ROBO2: variants seen among roughly 807,000 people sequenced by gnomAD.
ROBO2 encodes the protein roundabout homolog 2.
ROBO2 carries 53 observed loss-of-function variants against 160.8 expected under a neutral mutation model. That is an observed-to-expected ratio of 0.33 (90% CI 0.26 to 0.41). The LOEUF (loss-of-function observed/expected upper bound fraction) is 0.41, where lower values mean the gene tolerates loss of function less well. Among genes scored for constraint, ROBO2 ranks in the 10% least tolerant of loss-of-function variants. The pLI is 1.00. For missense variants in ROBO2, 1,577 were observed against 1,722.4 expected, an observed-to-expected ratio of 0.92 and a Z score of 1.49; for synonymous variants, 664 against 611.7, an observed-to-expected ratio of 1.09 and a Z score of -1.26.
intron 2 of ROBO2, among the ~76,000 whole-genome samples, chr3:76,510,236 A>G (rs3913572): frequency 0.64 from 97,290 of 152,014 alleles, 31,384 homozygotes; most frequent in African/African-American, 0.71. Flanking sequence ...TATGACTGAC[A>G]GTGATAAGAA....
chr3:77,271,873 C>G (rs1335623461), intron 2 of ROBO2, among the ~76,000 whole-genome samples: 3 of 152,144 alleles, frequency 2.0e-5, no homozygotes, highest in African/African-American at 7.2e-5. Flanking sequence ...TGAACAGGTT[C>G]TTACAGCCAG....
At chr3:76,062,072 A>G (rs56386344) in intron 2 of ROBO2, among the ~76,000 whole-genome samples, 3,127 of 152,240 alleles carry the variant, frequency 0.021, 44 homozygotes, top group East Asian at 0.081. Context: ...TTTGAGGCCA[A>G]CTGGCTAGCA....
intron 2 of ROBO2, among the ~76,000 whole-genome samples, chr3:77,141,662 C>T (rs1341209054): frequency 6.6e-6 from 1 of 152,140 alleles, no homozygotes; most frequent in Non-Finnish European, 1.5e-5. Context: ...AGTTGGATAG[C>T]AGTGACCTTT....
chr3:77,343,966 A>G (rs1207415392), intron 2 of ROBO2, among the ~76,000 whole-genome samples: 1 of 152,198 alleles, frequency 6.6e-6, no homozygotes, highest in Non-Finnish European at 1.5e-5. Flanking sequence ...TATATGAGTC[A>G]GCATAGAATG....
intron 2 of ROBO2, among the ~76,000 whole-genome samples, chr3:76,818,982 C>A (rs2065904691): frequency 6.6e-6 from 1 of 151,968 alleles, no homozygotes; most frequent in South Asian, 2.1e-4. Flanking sequence ...CATCCTCAAA[C>A]TGTCTATCTT....
At chr3:76,298,495 C>G (rs182756199) in intron 2 of ROBO2, among the ~76,000 whole-genome samples, 1 of 152,294 alleles carries the variant, frequency 6.6e-6, no homozygotes, top group African/African-American at 2.4e-5. Context: ...ATATGACAGA[C>G]ATGCCCTACA....
At chr3:76,098,461 G>T (rs2069544205) in intron 2 of ROBO2, among the ~76,000 whole-genome samples, 1 of 151,976 alleles carries the variant, frequency 6.6e-6, no homozygotes, top group Non-Finnish European at 1.5e-5. Context: ...GTGTATTATA[G>T]TAACTACTGA....
intron 2 of ROBO2, among the ~76,000 whole-genome samples, chr3:76,319,120 A>G (rs1443039859): frequency 1.3e-5 from 2 of 152,272 alleles, no homozygotes; most frequent in East Asian, 3.9e-4. Context: ...TGGCCCCATG[A>G]AAAGTTATCT....
chr3:77,147,694 A>T (rs1363825521), intron 2 of ROBO2, among the ~76,000 whole-genome samples: 1 of 152,188 alleles, frequency 6.6e-6, no homozygotes, highest in Non-Finnish European at 1.5e-5. Context: ...ATTTTATTAT[A>T]ATATTACTGC....
intron 2 of ROBO2, among the ~76,000 whole-genome samples, chr3:76,554,416 A>T (rs1323152224): frequency 1.3e-5 from 2 of 152,158 alleles, no homozygotes; most frequent in African/African-American, 2.4e-5. Flanking sequence ...TTTAACATGA[A>T]TGTATGTTAT....
chr3:77,601,757 G>A (rs1344128299), intron 19 of ROBO2, among the ~76,000 whole-genome samples: 1 of 152,222 alleles, frequency 6.6e-6, no homozygotes, highest in Non-Finnish European at 1.5e-5. Flanking sequence ...AGTCGGTATA[G>A]TATAATTTTT....
intron 2 of ROBO2, among the ~76,000 whole-genome samples, chr3:76,510,066 G>T (rs1429331600): frequency 1.3e-5 from 2 of 152,076 alleles, no homozygotes; most frequent in African/African-American, 4.8e-5. Flanking sequence ...GTAATAAAAT[G>T]GCACATGTGC....
intron 2 of ROBO2, among the ~76,000 whole-genome samples, chr3:76,033,551 A>C (rs1177779119): frequency 6.6e-6 from 1 of 152,214 alleles, no homozygotes; most frequent in Non-Finnish European, 1.5e-5. Context: ...TTTTACACTG[A>C]AAAGTTAGCA....
intron 2 of ROBO2, among the ~76,000 whole-genome samples, chr3:76,956,887 C>T (rs2079310323): frequency 6.6e-6 from 1 of 152,038 alleles, no homozygotes; most frequent in Non-Finnish European, 1.5e-5. Context: ...GTTTGGGGGA[C>T]TGAGGAAGGT....
intron 2 of ROBO2, among the ~76,000 whole-genome samples, chr3:76,427,455 A>G (rs571182596): frequency 3.3e-5 from 5 of 152,270 alleles, no homozygotes; most frequent in African/African-American, 1.2e-4. Context: ...GAAGACTACT[A>G]CAAATGTAAG....
intron 2 of ROBO2, among the ~76,000 whole-genome samples, chr3:76,415,982 A>C (rs1264470505): frequency 6.6e-6 from 1 of 152,140 alleles, no homozygotes; most frequent in Non-Finnish European, 1.5e-5. Flanking sequence ...TTATTTAGCA[A>C]TGCAAAGTGT....
At chr3:76,153,099 GTGGATTTCAGTCCCA>G (rs1379281691) in intron 2 of ROBO2, among the ~76,000 whole-genome samples, 2 of 152,120 alleles carry the variant, frequency 1.3e-5, no homozygotes, top group Non-Finnish European at 2.9e-5. Context: ...TAAATCTCTT[GTGGATTTCAGTCCCA>G]TGAAAACCTA....
intron 2 of ROBO2, among the ~76,000 whole-genome samples, chr3:76,661,666 CA>C (rs2091827133): frequency 6.6e-6 from 1 of 152,064 alleles, no homozygotes; most frequent in Non-Finnish European, 1.5e-5. Flanking sequence ...TTGAAGTCAG[CA>C]GAAAGAAATG....
intron 2 of ROBO2, among the ~76,000 whole-genome samples, chr3:77,013,375 G>T (rs1436346962): frequency 6.6e-6 from 1 of 151,998 alleles, no homozygotes; most frequent in East Asian, 1.9e-4. Context: ...ATTTTGGAGT[G>T]AAATACAAAG....
Sources: gnomAD v4.1 joint callset for allele counts (sites outside exome capture counted in the v4.1 genomes callset) on GRCh38, gnomAD v4.1.1 for gene constraint, MANE v1.5 for transcripts, NCBI Gene and HGNC (gene_info 2026-07-23, HGNC 2026-07-21) for gene names.